Variants in FA2H observed in about 807,000 individuals in gnomAD.
FA2H encodes fatty acid alpha-hydroxylase.
In FA2H, 22 loss-of-function variants were observed where a neutral mutation model predicts 44.9. The observed-to-expected ratio is 0.49, with a 90% CI of 0.35 to 0.70. The LOEUF is 0.70. FA2H is among the 30% of genes least tolerant of loss of function. The pLI, the probability that FA2H is intolerant of heterozygous loss-of-function variation, is 0.01. For synonymous variants in FA2H, 243 were observed against 213.2 expected, an observed-to-expected ratio of 1.14 and a Z score of -1.22; for missense variants, 501 against 504.9, an observed-to-expected ratio of 0.99 and a Z score of 0.07.
At chr16:74,745,190 G>T (rs1962395548) in intron 1 of FA2H, among the ~76,000 whole-genome samples, 1 of 152,198 alleles carries the variant, frequency 6.6e-6, no homozygotes, top group Non-Finnish European at 1.5e-5. Context: ...CAGCTCCAGG[G>T]CTGTTGAGTG....
chr16:74,715,847 G>A (rs1189319012), intron 6 of FA2H, among the ~76,000 whole-genome samples: 1 of 137,754 alleles, frequency 7.3e-6, no homozygotes, highest in Non-Finnish European at 1.5e-5. Flanking sequence ...ACAGAGCCTT[G>A]CTCTGTTGCC....
chr16:74,745,369 G>A (rs542496695), intron 1 of FA2H, among the ~76,000 whole-genome samples: 7 of 152,350 alleles, frequency 4.6e-5, no homozygotes, highest in Admixed American at 3.3e-4. Context: ...ATCCATTAGC[G>A]AGCAGGTGGG....
At chr16:74,759,894 A>T (rs1446258970) in intron 1 of FA2H, among the ~76,000 whole-genome samples, 2 of 152,154 alleles carry the variant, frequency 1.3e-5, no homozygotes, top group African/African-American at 4.8e-5. Flanking sequence ...TGGACATGGC[A>T]CATTGCAACC....
chr16:74,754,079 G>T (rs1338928258), intron 1 of FA2H, among the ~76,000 whole-genome samples: 1 of 152,172 alleles, frequency 6.6e-6, no homozygotes, highest in African/African-American at 2.4e-5. Context: ...TAGGTTGTTT[G>T]AGTGGCAGAA....
At chr16:74,717,951 G>T (rs1262316258) in intron 5 of FA2H, among the ~76,000 whole-genome samples, 2 of 152,220 alleles carry the variant, frequency 1.3e-5, no homozygotes, top group African/African-American at 4.8e-5. Context: ...GGTGAGGCTG[G>T]AGGACACAGG....
chr16:74,725,351 C>A (rs942274988), intron 4 of FA2H, among the ~76,000 whole-genome samples: 3 of 152,192 alleles, frequency 2.0e-5, no homozygotes, highest in African/African-American at 7.2e-5. Flanking sequence ...GACAGACAGA[C>A]CACAGGGCAG....
intron 6 of FA2H, 130 bp from the exon 7 acceptor site, chr16:74,714,399 C>G: frequency 1.4e-6 from 1 of 707,554 alleles, no homozygotes; most frequent in Non-Finnish European, 2.6e-6. Context: ...GCCTTCCCAA[C>G]TCCCGAGGCC....
intron 1 of FA2H, among the ~76,000 whole-genome samples, chr16:74,755,366 G>A (rs1962593970): frequency 6.6e-6 from 1 of 152,052 alleles, no homozygotes; most frequent in Admixed American, 6.6e-5. Flanking sequence ...TTTTAGTAGA[G>A]ACGGGGTTTC....
intron 1 of FA2H, among the ~76,000 whole-genome samples, chr16:74,749,580 C>A (rs989158038): frequency 6.6e-6 from 1 of 152,188 alleles, no homozygotes; most frequent in Non-Finnish European, 1.5e-5. Context: ...TGCTTCTGCT[C>A]GTGAAGTGAA....
intron 5 of FA2H, chr16:74,717,208 A>G (rs1237186444): frequency 6.6e-6 from 1 of 152,624 alleles, no homozygotes; most frequent in Non-Finnish European, 1.5e-5. Flanking sequence ...GAGCTTCAGA[A>G]GCCAAGGGCC....
At chr16:74,735,949 C>T (rs1036078565) in intron 2 of FA2H, among the ~76,000 whole-genome samples, 1 of 152,198 alleles carries the variant, frequency 6.6e-6, no homozygotes, top group African/African-American at 2.4e-5. Flanking sequence ...TGCCACTGTA[C>T]TCCAGCCTGG....
intron 1 of FA2H, among the ~76,000 whole-genome samples, chr16:74,765,269 G>A (rs977604908): frequency 4.6e-5 from 7 of 151,484 alleles, no homozygotes; most frequent in Non-Finnish European, 1.0e-4. Context: ...CGACTCTCCT[G>A]CCTCAGCCTC....
At chr16:74,718,338 C>G (rs1405263537) in intron 5 of FA2H, among the ~76,000 whole-genome samples, 1 of 152,108 alleles carries the variant, frequency 6.6e-6, no homozygotes, top group Non-Finnish European at 1.5e-5. Flanking sequence ...GGGCCAAGGA[C>G]AGCACAATGC....
At chr16:74,744,077 G>C (rs1302903071) in intron 1 of FA2H, among the ~76,000 whole-genome samples, 1 of 152,150 alleles carries the variant, frequency 6.6e-6, no homozygotes, top group Non-Finnish European at 1.5e-5. Context: ...CAGGACTCCA[G>C]GAACTGGGTC....
intron 1 of FA2H, among the ~76,000 whole-genome samples, chr16:74,740,620 AAATAAT>A (rs71378704): frequency 0.2 from 27,575 of 135,158 alleles, 3,044 homozygotes; most frequent in Middle Eastern, 0.27. Flanking sequence ...CTCCATCTCA[AAATAAT>A]AATAATAATA....
At chr16:74,731,236 C>A (rs557220952) in intron 2 of FA2H, among the ~76,000 whole-genome samples, 5 of 148,344 alleles carry the variant, frequency 3.4e-5, no homozygotes, top group African/African-American at 1.3e-4. Flanking sequence ...TGGGTTCAAG[C>A]GATTCTCGCT....
At chr16:74,714,402 C>T (rs1387699966) in intron 6 of FA2H, 133 bp from the exon 7 acceptor site, 2 of 706,314 alleles carry the variant, frequency 2.8e-6, no homozygotes, top group African/African-American at 1.7e-5. Flanking sequence ...TTCCCAACTC[C>T]CGAGGCCATT....
At chr16:74,757,001 G>A (rs1962624355) in intron 1 of FA2H, among the ~76,000 whole-genome samples, 1 of 151,442 alleles carries the variant, frequency 6.6e-6, no homozygotes, top group East Asian at 1.9e-4. Context: ...GAATAAAACC[G>A]GTGTCTTTTA....
At chr16:74,770,238 G>A (rs1293386489) in intron 1 of FA2H, among the ~76,000 whole-genome samples, 1 of 152,252 alleles carries the variant, frequency 6.6e-6, no homozygotes, top group East Asian at 1.9e-4. Flanking sequence ...GGAGAGGAGG[G>A]AAGTGCAAAA....
Sources: gnomAD v4.1 joint callset for allele counts (sites outside exome capture counted in the v4.1 genomes callset) on GRCh38, gnomAD v4.1.1 for gene constraint, MANE v1.5 for transcripts, NCBI Gene and HGNC (gene_info 2026-07-23, HGNC 2026-07-21) for gene names.